The following ARHGEF12 variants were observed in gnomAD, a reference collection of about 807,000 sequenced individuals.
ARHGEF12 encodes the protein KMT2A/ARHGEF12 fusion protein.
ARHGEF12 carries 66 observed loss-of-function variants against 211.2 expected under a neutral mutation model. The ratio of observed to expected loss-of-function variants is 0.31; its 90% CI spans 0.26 to 0.38. The LOEUF (loss-of-function observed/expected upper bound fraction) is 0.38, where lower values mean the gene tolerates loss of function less well. Among genes scored for constraint, ARHGEF12 ranks in the 10% least tolerant of loss-of-function variants. ARHGEF12 has a pLI of 1.00. For synonymous variants in ARHGEF12, 592 were observed against 638.4 expected, an observed-to-expected ratio of 0.93 and a Z score of 1.09; for missense variants, 1,429 against 1,869.5, an observed-to-expected ratio of 0.76 and a Z score of 4.34.
intron 1 of ARHGEF12, among the ~76,000 whole-genome samples, chr11:120,386,449 T>G (rs1944032328): frequency 6.6e-6 from 1 of 152,170 alleles, no homozygotes. Context: ...TATGGAGCTT[T>G]CAGTTAAGTT....
Position 120,447,852 on chromosome 11 carries a change from ATT to A in ARHGEF12, c.1590-14_1590-13del. ...TTAAACTTCCATATTTCATTTTTAAATTTTTTTTTCTTTTTTTTAAGGATGAC... is the reference window on the plus strand; with the variant it reads ...TTAAACTTCCATATTTCATTTTTAAATTTTTTTCTTTTTTTTAAGGATGAC... On this transcript the variant is annotated intron_variant, in intron 18 of 40. Coordinates refer to ENST00000397843, the MANE Select transcript of ARHGEF12 (RefSeq NM_015313.3). The A allele has an allele frequency of 6.7e-7, 1 of 1,500,704 alleles. No homozygotes were observed. The highest frequency in any genetic ancestry group is 9.0e-7 in the Non-Finnish European group (1 of 1,110,080). 93.0% of individuals were successfully genotyped at this position (1,500,704 alleles called of 1,614,324 possible). A position where few individuals can be genotyped will look rare whatever the true frequency, so the allele number is the denominator to read the frequency against.
intron 1 of ARHGEF12, among the ~76,000 whole-genome samples, chr11:120,351,439 ATATATATATATATATATTTTTTTTTT>A (rs1942955662): frequency 2.4e-4 from 1 of 4,126 alleles, no homozygotes; most frequent in African/African-American, 1.8e-3. Flanking sequence ...ATATATATAT[ATATATATATATATATATTTTTTTTTT>A]TTTTTTTTTT....
At chr11:120,457,675 A>G (rs12421291) in intron 23 of ARHGEF12, 46 bp from the exon 24 acceptor site, 3 of 1,491,108 alleles carry the variant, frequency 2.0e-6, no homozygotes, top group East Asian at 4.5e-5. Context: ...AAATGTATTG[A>G]TCACCATTTT....
At chr11:120,469,711 AGCTT>A (rs1481065886) in intron 30 of ARHGEF12, among the ~76,000 whole-genome samples, 1 of 152,186 alleles carries the variant, frequency 6.6e-6, no homozygotes, top group African/African-American at 2.4e-5. Context: ...GCCCACACTG[AGCTT>A]GTTTGCTAGG....
chr11:120,366,492 G>T (rs149074664), intron 1 of ARHGEF12, among the ~76,000 whole-genome samples: 27 of 152,234 alleles, frequency 1.8e-4, no homozygotes, highest in Admixed American at 3.9e-4. Context: ...ATGACATGCT[G>T]TGGGCAATAA....
chr11:120,347,192 C>CT (rs1555090052), intron 1 of ARHGEF12, among the ~76,000 whole-genome samples: 1 of 135,216 alleles, frequency 7.4e-6, no homozygotes, highest in African/African-American at 3.0e-5. Flanking sequence ...TCCTTTCTTT[C>CT]TTTCTTTCTT....
At position 120,428,210 on chromosome 11, in the gene ARHGEF12, G is replaced by A; in HGVS notation, c.548G>A (p.Gly183Glu). The A allele has an allele frequency of 6.2e-7, 1 of 1,610,574 alleles. No homozygotes were observed. The highest frequency in any genetic ancestry group is 8.5e-7 in the Non-Finnish European group (1 of 1,178,544). ...MTSPHSPGAS[G>E]NMERITSPVL... Reference sequence around the variant, plus strand: ...TCTCCTCATTCACCTGGAGCATCTGGGAATATGGAGAGAATCACTAGTCCT... The same window carrying A: ...TCTCCTCATTCACCTGGAGCATCTGAGAATATGGAGAGAATCACTAGTCCT... Residue 183 changes from glycine to glutamate, a missense_variant, in exon 8 of 41, where the codon GGG becomes GAG. Gly to Glu is a moderately conservative substitution (Grantham distance 98). Coordinates refer to ENST00000397843, the MANE Select transcript of ARHGEF12 (RefSeq NM_015313.3).
In ARHGEF12 at chr11:120,445,562, G is replaced by A; in HGVS notation, c.1345+98G>A. The A allele has an allele frequency of 4.3e-6, 5 of 1,172,350 alleles. No homozygotes were observed. In the East Asian group the frequency reaches 7.0e-5, roughly 16 times the overall value. The allele number at this position is 1,172,350 out of a possible 1,614,324, so 72.6% of individuals were successfully genotyped here. A position where few individuals can be genotyped will look rare whatever the true frequency, so the allele number is the denominator to read the frequency against. On this transcript the variant is annotated intron_variant, in intron 16 of 40. Transcript: ENST00000397843. ...TTTATCTGTCACATGGTGACTAGTC[G>A]ATCACCTGAATCACAACAGAAAGAC...
intron 1 of ARHGEF12, among the ~76,000 whole-genome samples, chr11:120,347,176 C>CT (rs750387269): frequency 0.063 from 5,230 of 83,142 alleles, 188 homozygotes; most frequent in East Asian, 0.16. Flanking sequence ...TCCTTCCTTC[C>CT]TTCCTTCCTT....
chr11:120,449,083 T>A, intron 20 of ARHGEF12, 26 bp from the exon 21 acceptor site: 1 of 1,592,008 alleles, frequency 6.3e-7, no homozygotes, highest in Non-Finnish European at 8.6e-7. Flanking sequence ...GTTACGTATC[T>A]CTTATTTTTT....
chr11:120,463,924 A>T (rs1005299274), intron 27 of ARHGEF12: 16 of 152,230 alleles, frequency 1.1e-4, no homozygotes, highest in African/African-American at 3.1e-4. Flanking sequence ...AGGCTGTATT[A>T]AAAAACAATG....
chr11:120,480,755 G>A (rs1947210188), intron 38 of ARHGEF12, among the ~76,000 whole-genome samples: 2 of 152,150 alleles, frequency 1.3e-5, no homozygotes, highest in African/African-American at 4.8e-5. Context: ...CTGAGGGGAC[G>A]GAGAGTAATG....
At chr11:120,480,463 G>T in intron 38 of ARHGEF12, 33 bp downstream of exon 38, 4 of 1,567,622 alleles carry the variant, frequency 2.6e-6, no homozygotes, top group East Asian at 2.3e-5. Flanking sequence ...CTTTGATTTT[G>T]ATTTTGATCA....
At chr11:120,367,731 G>T (rs996441968) in intron 1 of ARHGEF12, among the ~76,000 whole-genome samples, 1 of 152,170 alleles carries the variant, frequency 6.6e-6, no homozygotes, top group Non-Finnish European at 1.5e-5. Context: ...AACACTTTGG[G>T]AGGCTGAGGC....
intron 21 of ARHGEF12, chr11:120,450,174 C>G (rs952953762): frequency 6.6e-6 from 1 of 152,080 alleles, no homozygotes; most frequent in East Asian, 1.9e-4. Flanking sequence ...AGTTCGAGAC[C>G]AGCCTGAGCT....
At chr11:120,451,396 C>T in intron 21 of ARHGEF12, 116 bp from the exon 22 acceptor site, 2 of 856,902 alleles carry the variant, frequency 2.3e-6, no homozygotes, top group Non-Finnish European at 3.6e-6. Context: ...CCAGGATGGT[C>T]TCGATCTCCT....
chr11:120,362,861 G>A (rs1442578418), intron 1 of ARHGEF12, among the ~76,000 whole-genome samples: 2 of 152,136 alleles, frequency 1.3e-5, no homozygotes, highest in African/African-American at 4.8e-5. Flanking sequence ...AGCAGTTTGG[G>A]AGGCCGAGGC....
chr11:120,474,661 T>C, intron 32 of ARHGEF12, 26 bp downstream of exon 32: 2 of 1,568,718 alleles, frequency 1.3e-6, no homozygotes, highest in Non-Finnish European at 1.7e-6. Flanking sequence ...TCTTTTAGTT[T>C]TGGGGAGAGT....
chr11:120,475,126 T>C (rs975581439), intron 32 of ARHGEF12, among the ~76,000 whole-genome samples: 24 of 152,174 alleles, frequency 1.6e-4, no homozygotes, highest in Non-Finnish European at 3.1e-4. Flanking sequence ...CAGCTTGTTG[T>C]TTTTTATTTC....
Sources: allele counts gnomAD v4.1 joint callset (sites outside exome capture counted in the v4.1 genomes callset), GRCh38; gene constraint gnomAD v4.1.1; transcripts MANE v1.5; gene names NCBI Gene and HGNC (gene_info 2026-07-23, HGNC 2026-07-21).